The following TUBGCP3 variants were observed in gnomAD, a reference collection of about 807,000 sequenced individuals.
TUBGCP3 encodes the protein gamma-tubulin complex component 3.
TUBGCP3 carries 50 observed loss-of-function variants against 123.1 expected under a neutral mutation model. The ratio of observed to expected loss-of-function variants is 0.41; its 90% CI spans 0.32 to 0.51. The LOEUF (loss-of-function observed/expected upper bound fraction) is 0.51, where lower values mean the gene tolerates loss of function less well. TUBGCP3 is among the 20% of genes least tolerant of loss of function. TUBGCP3 has a pLI of 0.36. For synonymous variants in TUBGCP3, 405 were observed against 413.9 expected, an observed-to-expected ratio of 0.98 and a Z score of 0.26; for missense variants, 882 against 1,127.0, an observed-to-expected ratio of 0.78 and a Z score of 3.11.
At chr13:112,594,273 C>G in the TUBGCP3 span, among the ~76,000 whole-genome samples, 2 of 152,192 alleles carry the variant, frequency 1.3e-5, no homozygotes, top group South Asian at 2.1e-4. Context: ...TTAAATCCAG[C>G]AACATGACCA....
At chr13:112,600,974 G>T in the TUBGCP3 span, among the ~76,000 whole-genome samples, 1,977 of 152,088 alleles carry the variant, frequency 0.013, 46 homozygotes, top group African/African-American at 0.044. Context: ...GATCACTTGA[G>T]GCCAGGGGTT....
chr13:112,490,529 A>G (rs1215440762), intron 20 of TUBGCP3, among the ~76,000 whole-genome samples: 1 of 152,242 alleles, frequency 6.6e-6, no homozygotes, highest in Non-Finnish European at 1.5e-5. Flanking sequence ...TGCTGGGATT[A>G]CAGGCGGGAG....
chr13:112,509,959 G>C (rs899263320), intron 17 of TUBGCP3, among the ~76,000 whole-genome samples: 20 of 152,128 alleles, frequency 1.3e-4, no homozygotes, highest in Non-Finnish European at 1.5e-5. Flanking sequence ...ATATATTTTA[G>C]GCACATGTTT....
upstream of TUBGCP3, among the ~76,000 whole-genome samples, chr13:112,589,364 C>T (rs991454731): frequency 1.3e-5 from 2 of 152,208 alleles, no homozygotes; most frequent in African/African-American, 4.8e-5. Context: ...CCCTCACTAA[C>T]GCTGATGTTA....
chr13:112,499,134 T>G lies in TUBGCP3; in HGVS notation c.2359A>C (p.Asn787His). The G allele has an allele frequency of 6.2e-7, 1 of 1,614,020 alleles. No individual in the cohort carries two copies. The change falls in exon 20 of 22, where the codon AAT becomes CAT. Residue 787 changes from asparagine (N) to histidine (H), a missense_variant. Physicochemically the swap from Asn to His is moderately conservative, Grantham distance 68. This residue lies in a region of TUBGCP3 where 160 missense variants were observed against 220.3 expected (regional missense o/e 0.73). Transcript: ENST00000261965. ...GCTCTGTATATTGCATCTTGAGCATTCTGAAGTTCAATAATTTGATCAAAC... is the reference window on the plus strand; with the variant it reads ...GCTCTGTATATTGCATCTTGAGCATGCTGAAGTTCAATAATTTGATCAAAC... ...AVFDQIIELQ[N>H]AQDAIYRAAL... is the part of the protein sequence containing the mutation.
At chr13:112,496,775 A>T (rs1880554907) in intron 20 of TUBGCP3, among the ~76,000 whole-genome samples, 1 of 152,166 alleles carries the variant, frequency 6.6e-6, no homozygotes, top group Non-Finnish European at 1.5e-5. Flanking sequence ...TCATGAGGTC[A>T]GGAGATCGAG....
chr13:112,531,056 A>G (rs1412106680), intron 11 of TUBGCP3, among the ~76,000 whole-genome samples: 1 of 152,236 alleles, frequency 6.6e-6, no homozygotes, highest in East Asian at 1.9e-4. Context: ...GCAACCAACC[A>G]AAAATGAATT....
At chr13:112,572,362 C>T (rs1013601172) in intron 1 of TUBGCP3, among the ~76,000 whole-genome samples, 19 of 152,272 alleles carry the variant, frequency 1.2e-4, no homozygotes, top group South Asian at 1.2e-3. Context: ...CATAGGTATA[C>T]GTGTGCTGTG....
chr13:112,486,130 C>T lies in TUBGCP3; in HGVS notation c.2587G>A (p.Val863Met), dbSNP rs995128144. 1.9e-6 allele frequency: 3 copies of T among 1,607,716 alleles called. No individual in the cohort carries two copies. The highest frequency in any genetic ancestry group is 1.7e-5 in the Admixed American group (1 of 58,752). ...FYQGIVQQFL[V>M]LLTTSSDESL... is the part of the protein sequence containing the mutation. ...TCGTCAGAGCTGGTCGTCAGTAACA[C>T]CAAAAACTGCTGCACGATACCCTAA... The change falls in exon 22 of 22, where the codon GTG becomes ATG. Residue 863 changes from valine (V) to methionine (M), a missense_variant. Val to Met is a conservative substitution (Grantham distance 21). Transcript: ENST00000261965.
intron 11 of TUBGCP3, among the ~76,000 whole-genome samples, chr13:112,531,120 T>G (rs1159364307): frequency 6.6e-6 from 1 of 151,938 alleles, no homozygotes; most frequent in Non-Finnish European, 1.5e-5. Context: ...GAAACAAAAT[T>G]TTAATGATGT....
At chr13:112,523,540 T>C (rs1876798864) in intron 13 of TUBGCP3, among the ~76,000 whole-genome samples, 1 of 152,216 alleles carries the variant, frequency 6.6e-6, no homozygotes, top group Admixed American at 6.5e-5. Flanking sequence ...ACGGAACCCC[T>C]TGATGAGCTC....
At chr13:112,555,916 T>G in intron 6 of TUBGCP3, 136 bp downstream of exon 6, 1 of 1,029,656 alleles carries the variant, frequency 9.7e-7, no homozygotes, top group Non-Finnish European at 1.4e-6. Flanking sequence ...CACCAGGGAC[T>G]CTGGACTTCA....
chr13:112,542,274 G>A (rs1878583234), intron 11 of TUBGCP3, among the ~76,000 whole-genome samples: 1 of 152,096 alleles, frequency 6.6e-6, no homozygotes, highest in Non-Finnish European at 1.5e-5. Flanking sequence ...TGTGATAATG[G>A]TCAGGAGATT....
intron 11 of TUBGCP3, among the ~76,000 whole-genome samples, chr13:112,535,977 T>C (rs1050075594): frequency 6.6e-6 from 1 of 152,250 alleles, no homozygotes; most frequent in Non-Finnish European, 1.5e-5. Context: ...TGCATTCTTC[T>C]ACATGCATCC....
chr13:112,539,839 T>C (rs9604344), intron 11 of TUBGCP3, among the ~76,000 whole-genome samples: 25,198 of 116,296 alleles, frequency 0.22, 234 homozygotes, highest in African/African-American at 0.45. Flanking sequence ...GACGTCAATG[T>C]AGTAGCCTAT....
chr13:112,586,203 G>A (rs1361409351), intron 1 of TUBGCP3, among the ~76,000 whole-genome samples: 1 of 151,424 alleles, frequency 6.6e-6, no homozygotes. Flanking sequence ...TCACACCACT[G>A]CACTCCAGCC....
intron 13 of TUBGCP3, among the ~76,000 whole-genome samples, chr13:112,525,443 A>G (rs1876970562): frequency 6.6e-6 from 1 of 152,198 alleles, no homozygotes; most frequent in Admixed American, 6.5e-5. Flanking sequence ...CCTCTCCAAG[A>G]CCAGACTAAT....
intron 17 of TUBGCP3, among the ~76,000 whole-genome samples, chr13:112,506,192 G>C (rs972072727): frequency 6.6e-6 from 1 of 152,170 alleles, no homozygotes; most frequent in African/African-American, 2.4e-5. Flanking sequence ...TTGTTAAAGA[G>C]AGGGATGACA....
Position 112,519,824 on chromosome 13 carries a change from C to T in TUBGCP3, c.1881+62G>A. ...ACAACATGGAAAACACTCGCTAGAA[C>T]ACCCCGGCCCAGTGGGTCCTCGGTG... is the stretch of plus-strand genomic sequence containing the variant. On this transcript the variant is annotated intron_variant, in intron 15 of 21. Transcript: ENST00000261965. This position sits in a 1 kb window ranked among gnomAD's most constrained non-coding sequence, Gnocchi z 6.2. 1.3e-6 allele frequency: 2 copies of T among 1,555,464 alleles called. No homozygotes were observed. The highest frequency in any genetic ancestry group is 1.7e-6 in the Non-Finnish European group (2 of 1,150,526).
Sources: allele counts gnomAD v4.1 joint callset (sites outside exome capture counted in the v4.1 genomes callset), GRCh38; gene constraint gnomAD v4.1.1; regional missense constraint gnomAD v4.1.1; non-coding constraint Gnocchi (gnomAD v3.1); transcripts MANE v1.5; gene names NCBI Gene and HGNC (gene_info 2026-07-23, HGNC 2026-07-21).